The following CCDC39 variants were observed in gnomAD, a reference collection of about 807,000 sequenced individuals.
The protein encoded by CCDC39 is coiled-coil domain-containing protein 39.
Under a neutral mutation model 121.0 loss-of-function variants are expected in CCDC39, and 113 were observed. That is an observed-to-expected ratio of 0.93 (90% CI 0.80 to 1.09). The LOEUF (loss-of-function observed/expected upper bound fraction) is 1.09, where lower values mean the gene tolerates loss of function less well. Among genes scored for constraint, CCDC39 ranks in the 50% least tolerant of loss-of-function variants. The pLI is 0.00. For missense variants in CCDC39, 1,063 were observed against 1,074.7 expected (o/e 0.99, Z 0.15); for synonymous variants, 349 against 352.2 (o/e 0.99, Z 0.10).
chr3:180,673,282 T>C (rs1230144769), intron 1 of CCDC39, among the ~76,000 whole-genome samples: 1 of 152,234 alleles, frequency 6.6e-6, no homozygotes, highest in African/African-American at 2.4e-5. Flanking sequence ...TCAAACATTA[T>C]TGCATGCTAC....
rs1220198319 is a variant in CCDC39, at chr3:180,661,995, C to G, written c.223G>C (p.Ala75Pro). 1.3e-6 allele frequency: 2 copies of G among 1,551,492 alleles called. No homozygotes were observed. The highest frequency in any genetic ancestry group is 8.7e-7 in the Non-Finnish European group (1 of 1,146,902). Residue 75 changes from alanine (A) to proline (P), a missense_variant, in exon 3 of 20, where the codon GCA (alanine) becomes CCA (proline). Physicochemically the swap from Ala to Pro is conservative, Grantham distance 27. Transcript: ENST00000476379. Reference protein sequence around the residue: ...ELSITQSLCKARERETESEEH... With the variant: ...ELSITQSLCKPRERETESEEH... ...TCACTTTCAGTCTCACGCTCCCTTGCTTTGCAAAGAGACTACAGAATAACA... is the reference window on the plus strand; with the variant it reads ...TCACTTTCAGTCTCACGCTCCCTTGGTTTGCAAAGAGACTACAGAATAACA...
chr3:180,626,125 G>A (rs917549417), intron 14 of CCDC39, among the ~76,000 whole-genome samples: 1 of 152,092 alleles, frequency 6.6e-6, no homozygotes, highest in African/African-American at 2.4e-5. Context: ...AGCTGCAATG[G>A]GTTGGACATG....
chr3:180,650,844 G>A (rs1264550455), intron 9 of CCDC39, among the ~76,000 whole-genome samples: 3 of 151,754 alleles, frequency 2.0e-5, no homozygotes, highest in Non-Finnish European at 2.9e-5. Flanking sequence ...GGGATAGAGC[G>A]AGACTTAGTC....
At chr3:180,668,341 T>C (rs865810388) in intron 1 of CCDC39, among the ~76,000 whole-genome samples, 5 of 152,128 alleles carry the variant, frequency 3.3e-5, no homozygotes, top group Admixed American at 2.0e-4. Context: ...ATCATGCCAC[T>C]GCACTCTAGC....
chr3:180,631,105 C>T (rs1292442082), intron 14 of CCDC39, among the ~76,000 whole-genome samples: 1 of 152,132 alleles, frequency 6.6e-6, no homozygotes, highest in African/African-American at 2.4e-5. Flanking sequence ...GGAGAAATGA[C>T]ATTCTGCAAA....
chr3:180,640,044 T>C (rs1210529155), intron 13 of CCDC39, among the ~76,000 whole-genome samples: 1 of 152,192 alleles, frequency 6.6e-6, no homozygotes, highest in African/African-American at 2.4e-5. Flanking sequence ...AGGAGATCAG[T>C]TGTCCGGAGA....
chr3:180,653,708 A>C (rs936489181), intron 7 of CCDC39, among the ~76,000 whole-genome samples: 1 of 152,200 alleles, frequency 6.6e-6, no homozygotes, highest in Non-Finnish European at 1.5e-5. Context: ...AGCTAAACTA[A>C]TCAAAACAAA....
At chr3:180,656,511 T>G (rs972376442) in intron 6 of CCDC39, among the ~76,000 whole-genome samples, 1 of 152,070 alleles carries the variant, frequency 6.6e-6, no homozygotes, top group African/African-American at 2.4e-5. Flanking sequence ...AGTTAGGAGA[T>G]AAAATATTCC....
At chr3:180,677,931 TA>T (rs1241979399) in intron 1 of CCDC39, among the ~76,000 whole-genome samples, 9 of 152,324 alleles carry the variant, frequency 5.9e-5, no homozygotes, top group African/African-American at 2.2e-4. Context: ...CAATTTAATT[TA>T]ATGCAATTGT....
In CCDC39 at chr3:180,672,241, G is replaced by A. The variant is rs116562835; in HGVS notation, c.90+7050C>T. ...TGGATGACATGTCTGTTTACAACAT[G>A]GTTTACTGAAAATTTTAAGCCCACT... is the stretch of plus-strand genomic sequence containing the variant. On this transcript the variant is annotated intron_variant, in intron 1 of 19. Coordinates refer to ENST00000476379, the MANE Select transcript of CCDC39 (RefSeq NM_181426.2). Among the ~76,000 whole-genome samples the A allele has an allele frequency of 3.7e-3, 567 of 152,226 alleles. 8 individuals are homozygous for A. The highest frequency in any genetic ancestry group is 0.013 in the African/African-American group (538 of 41,552).
At chr3:180,645,120 G>GTCCTCATCTCCATTTA (rs1718041016) in intron 11 of CCDC39, among the ~76,000 whole-genome samples, 2 of 152,062 alleles carry the variant, frequency 1.3e-5, no homozygotes, top group African/African-American at 4.8e-5. Context: ...ATCTCTAAAT[G>GTCCTCATCTCCATTTA]GAGATGAGGA....
intron 13 of CCDC39, among the ~76,000 whole-genome samples, chr3:180,634,208 A>G (rs945587309): frequency 2.0e-5 from 3 of 148,914 alleles, no homozygotes; most frequent in African/African-American, 7.5e-5. Context: ...TGTTTCTCAG[A>G]GGTAGAGCCG....
intron 7 of CCDC39, 66 bp downstream of exon 7, chr3:180,654,696 G>T: frequency 1.9e-6 from 2 of 1,078,850 alleles, no homozygotes; most frequent in Non-Finnish European, 1.3e-6. Flanking sequence ...AAAGCTTTAT[G>T]CTTATTTTAT....
rs1224474894 is a variant in CCDC39 at position 180,663,919 on chromosome 3, T to C, written c.158A>G (p.Asn53Ser). Reference sequence around the variant, plus strand: ...ATTTTTGAAGTGAGAAGTCATAGAATTAATTCGCTCTTCATACTCACGTAA... The same window carrying C: ...ATTTTTGAAGTGAGAAGTCATAGAACTAATTCGCTCTTCATACTCACGTAA... ...DELREYEERI[N>S]SMTSHFKNVK... The change falls in exon 2 of 20, where the codon AAT becomes AGT. Residue 53 changes from asparagine (N) to serine (S), a missense_variant. Asn to Ser is a conservative substitution (Grantham distance 46). Transcript: ENST00000476379. 3 of 1,612,320 alleles carry C rather than the reference T, an allele frequency of 1.9e-6. No individual in the cohort carries two copies. The highest frequency in any genetic ancestry group is 2.5e-6 in the Non-Finnish European group (3 of 1,179,152).
chr3:180,619,209 TA>T (rs1560080280), intron 16 of CCDC39, 49 bp downstream of exon 16: 1 of 815,672 alleles, frequency 1.2e-6, no homozygotes, highest in Non-Finnish European at 2.1e-6. Flanking sequence ...GCAGTAATGA[TA>T]GTTGACTTTT....
Position 180,614,834 on chromosome 3 carries a change from A to G in CCDC39, c.*87T>C. On this transcript the variant is annotated 3_prime_UTR_variant, in exon 20 of 20. Transcript: ENST00000476379. ...TTACCACTAAGTTTTTACACTTTCC[A>G]CTAGATAAAATGTGTTGGGTCGTTT... 2.4e-6 allele frequency: 3 copies of G among 1,225,506 alleles called. No homozygotes were observed. The highest frequency in any genetic ancestry group is 3.4e-6 in the Non-Finnish European group (3 of 886,432). The allele number at this position is 1,225,506 out of a possible 1,614,324, so 75.9% of individuals were successfully genotyped here. A position where few individuals can be genotyped will look rare whatever the true frequency, so the allele number is the denominator to read the frequency against.
At chr3:180,646,193 AT>A (rs1718063161) in intron 11 of CCDC39, among the ~76,000 whole-genome samples, 1 of 152,006 alleles carries the variant, frequency 6.6e-6, no homozygotes, top group Admixed American at 6.6e-5. Context: ...AAAAACAAGT[AT>A]TTTTTTCCAC....
rs374426736 is a variant in CCDC39 at position 180,624,116 on chromosome 3, A to G, written c.1999-4146T>C. On this transcript the variant is annotated intron_variant, in intron 14 of 19. Coordinates refer to ENST00000476379, the MANE Select transcript of CCDC39 (RefSeq NM_181426.2). ...ATCTAGGTGCTGCAGTGTTGTGCATATATAATTAGGATTGTTATATCCTCT... is the reference window on the plus strand; with the variant it reads ...ATCTAGGTGCTGCAGTGTTGTGCATGTATAATTAGGATTGTTATATCCTCT... Among the ~76,000 whole-genome samples the G allele has an allele frequency of 7.2e-5, 11 of 152,252 alleles. 1 individual carries two copies. In the South Asian group the frequency reaches 2.3e-3, roughly 32 times the overall value.
intron 10 of CCDC39, among the ~76,000 whole-genome samples, chr3:180,647,893 T>C (rs981333695): frequency 4.1e-4 from 62 of 152,164 alleles, no homozygotes; most frequent in African/African-American, 1.5e-3. Context: ...TCTGTTTTAC[T>C]CTGGATGCAA....
Sources: allele counts gnomAD v4.1 joint callset (sites outside exome capture counted in the v4.1 genomes callset), GRCh38; gene constraint gnomAD v4.1.1; transcripts MANE v1.5; gene names NCBI Gene and HGNC (gene_info 2026-07-23, HGNC 2026-07-21).